Variants in TRIO observed in about 807,000 individuals in gnomAD.
TRIO encodes triple functional domain protein.
A neutral mutation model predicts 351.9 loss-of-function variants in TRIO; 58 were observed. The observed-to-expected ratio is 0.16, with a 90% CI of 0.13 to 0.21. TRIO has a LOEUF of 0.21. Among genes scored for constraint, TRIO ranks in the 10% least tolerant of loss-of-function variants. The pLI is 1.00. For synonymous variants in TRIO, 1,758 were observed against 1,595.7 expected (o/e 1.10, Z -2.42); for missense variants, 3,201 against 4,027.8 (o/e 0.79, Z 5.56).
intron 34 of TRIO, among the ~76,000 whole-genome samples, chr5:14,422,583 C>T (rs1046774098): frequency 4.6e-5 from 7 of 152,262 alleles, no homozygotes; most frequent in Middle Eastern, 6.8e-3. Context: ...CATGATGAGC[C>T]GTGCTCAGGT....
chr5:14,391,080 A>G (rs2152364407), intron 27 of TRIO, 90 bp downstream of exon 27: 1 of 949,944 alleles, frequency 1.1e-6, no homozygotes, highest in Non-Finnish European at 1.5e-6. Context: ...AATTGATAGT[A>G]CAATGTTTTC....
At chr5:14,164,816 G>A (rs756652038) in intron 1 of TRIO, among the ~76,000 whole-genome samples, 4 of 152,188 alleles carry the variant, frequency 2.6e-5, no homozygotes, top group Non-Finnish European at 4.4e-5. Context: ...GTATCTGCAT[G>A]TCTAAGTCCA....
rs772879711 is a variant in TRIO at position 14,481,264 on chromosome 5, C to T, written c.6367C>T (p.Leu2123=). ...DFLKYSKKAS[L]DTSELERAVE... ...CCTCAAGTATTCCAAAAAGGCCAGC[C>T]TGGATACATCAGAATTAGAGGTACA... Residue 2123 remains leucine (L), a synonymous_variant, in exon 44 of 57, where the codon CTG becomes TTG. Coordinates refer to ENST00000344204, the MANE Select transcript of TRIO (RefSeq NM_007118.4). 10 of 1,614,122 alleles carry T rather than the reference C, an allele frequency of 6.2e-6. No homozygotes were observed. Among genetic ancestry groups the T allele is most frequent in the Non-Finnish European group, 7.6e-6 (9 of 1,180,014 alleles).
In TRIO at chr5:14,492,819, G is replaced by C; in HGVS notation, c.7880+5G>C. ...GAACCCGGACGGGACTCTCAAGTGA[G>C]TGCTTGACAGTAACGGCGTCCTGGC... On this transcript the variant is annotated splice_donor_5th_base_variant and intron_variant, in intron 49 of 56. Transcript: ENST00000344204. The C allele has an allele frequency of 6.2e-7, 1 of 1,610,790 alleles. No homozygotes were observed. The highest frequency in any genetic ancestry group is 8.5e-7 in the Non-Finnish European group (1 of 1,177,500).
At chr5:14,186,695 A>G (rs986050253) in intron 1 of TRIO, among the ~76,000 whole-genome samples, 2 of 152,002 alleles carry the variant, frequency 1.3e-5, no homozygotes, top group African/African-American at 4.8e-5. Flanking sequence ...CTCTTGCCTC[A>G]GCCTCCTAAG....
At chr5:14,282,430 T>C (rs976559102) in intron 3 of TRIO, among the ~76,000 whole-genome samples, 1 of 152,238 alleles carries the variant, frequency 6.6e-6, no homozygotes, top group Non-Finnish European at 1.5e-5. Flanking sequence ...TGAATTTGAA[T>C]ACTATATAGT....
At chr5:14,322,016 C>T (rs992848888) in intron 9 of TRIO, among the ~76,000 whole-genome samples, 8 of 152,044 alleles carry the variant, frequency 5.3e-5, no homozygotes, top group African/African-American at 1.7e-4. Context: ...GTCTTGGATA[C>T]GTCTTTATTA....
intron 19 of TRIO, among the ~76,000 whole-genome samples, chr5:14,375,800 C>G (rs893089429): frequency 6.6e-6 from 1 of 152,148 alleles, no homozygotes; most frequent in Non-Finnish European, 1.5e-5. Context: ...AGAAAAAATG[C>G]GTTATCTCAT....
At chr5:14,364,887 T>G in intron 15 of TRIO, 71 bp downstream of exon 15, 2 of 1,509,270 alleles carry the variant, frequency 1.3e-6, no homozygotes, top group Admixed American at 2.2e-5. Flanking sequence ...TTCCCGGAAA[T>G]TCTGACCTGT....
intron 48 of TRIO, chr5:14,492,304 C>T (rs1756543161): frequency 2.0e-6 from 1 of 500,026 alleles, no homozygotes; most frequent in African/African-American, 1.9e-5. Context: ...AACGAGCTTC[C>T]AAAACCAAAG....
chr5:14,293,774 A>T (rs1737109446), intron 6 of TRIO, among the ~76,000 whole-genome samples: 1 of 152,236 alleles, frequency 6.6e-6, no homozygotes, highest in Non-Finnish European at 1.5e-5. Context: ...AATTTTGAGT[A>T]GCACTTCTGT....
intron 6 of TRIO, among the ~76,000 whole-genome samples, chr5:14,294,966 T>C (rs114880500): frequency 6.6e-6 from 1 of 152,308 alleles, no homozygotes; most frequent in African/African-American, 2.4e-5. Flanking sequence ...TTCTACAATA[T>C]ACTTCTGTTA....
Position 14,286,189 on chromosome 5 carries a change from G to T in TRIO, c.348-682G>T, listed in dbSNP as rs1736431278. Among the ~76,000 whole-genome samples the T allele has an allele frequency of 6.6e-6, 1 of 152,120 alleles. No individual in the cohort carries two copies. The highest frequency in any genetic ancestry group is 1.5e-5 in the Non-Finnish European group (1 of 68,034). ...AGGCCAGCAGTGTTAAGCCAGCGTT[G>T]CTACCACATAAAGGCTTAGTACAGT... On this transcript the variant is annotated intron_variant, in intron 3 of 56. Coordinates refer to ENST00000344204, the MANE Select transcript of TRIO (RefSeq NM_007118.4). The surrounding 1 kb of genome is among the most constrained non-coding windows in gnomAD (Gnocchi z 4.4).
intron 53 of TRIO, among the ~76,000 whole-genome samples, chr5:14,500,913 A>C (rs869306369): frequency 2.2e-5 from 3 of 135,010 alleles, no homozygotes; most frequent in African/African-American, 5.8e-5. Context: ...AAAAAAAAAA[A>C]CACACAGGGA....
At chr5:14,211,971 A>AC (rs1554034315) in intron 1 of TRIO, among the ~76,000 whole-genome samples, 6 of 150,046 alleles carry the variant, frequency 4.0e-5, no homozygotes, top group East Asian at 2.0e-4. Flanking sequence ...AACCAAAAAA[A>AC]CAAAAACAAA....
chr5:14,217,446 C>T (rs544357908), intron 1 of TRIO, among the ~76,000 whole-genome samples: 1 of 152,238 alleles, frequency 6.6e-6, no homozygotes, highest in South Asian at 2.1e-4. Flanking sequence ...AGCTTTTCTT[C>T]TCCCTCGTGC....
At chr5:14,290,582 A>G (rs1412613628) in intron 4 of TRIO, 134 bp from the exon 5 acceptor site, 5 of 918,744 alleles carry the variant, frequency 5.4e-6, no homozygotes, top group Non-Finnish European at 7.9e-6. Flanking sequence ...TGGGGCCAGA[A>G]CCAGGTATGT....
intron 11 of TRIO, among the ~76,000 whole-genome samples, chr5:14,345,965 G>C (rs1421618456): frequency 6.6e-6 from 1 of 152,184 alleles, no homozygotes; most frequent in Admixed American, 6.5e-5. Context: ...TGAGGAAAGA[G>C]GTAAACTTAC....
At position 14,509,553 on chromosome 5, in the gene TRIO, G is replaced by A. The variant is rs1035546336; in HGVS notation, c.*1131G>A. ...TTAAAATTTATTATGCTATTATTCA[G>A]AATGCCAAAGTATTATTTTTTTTCC... is the stretch of plus-strand genomic sequence containing the variant. On this transcript the variant is annotated 3_prime_UTR_variant, in exon 57 of 57. Transcript: ENST00000344204. 5 of 339,830 alleles carry A rather than the reference G, an allele frequency of 1.5e-5. No individual in the cohort carries two copies. The highest frequency in any genetic ancestry group is 2.3e-5 in the Non-Finnish European group (4 of 173,534). The allele number at this position is 339,830 out of a possible 1,614,324, so 21.1% of individuals were successfully genotyped here.
Sources: gnomAD v4.1 joint callset for allele counts (sites outside exome capture counted in the v4.1 genomes callset) on GRCh38, gnomAD v4.1.1 for gene constraint, Gnocchi (gnomAD v3.1) non-coding constraint, MANE v1.5 for transcripts, NCBI Gene and HGNC (gene_info 2026-07-23, HGNC 2026-07-21) for gene names.